The following CORIN variants were observed in gnomAD, a reference collection of about 807,000 sequenced individuals.
The protein encoded by CORIN is corin, serine peptidase.
A neutral mutation model predicts 125.3 loss-of-function variants in CORIN; 117 were observed. The ratio of observed to expected loss-of-function variants is 0.93; its 90% confidence interval spans 0.80 to 1.09. The LOEUF (loss-of-function observed/expected upper bound fraction) is 1.09, where lower values mean the gene tolerates loss of function less well. Ranked by LOEUF, CORIN falls within the 50% of genes least tolerant of loss-of-function variation. CORIN has a pLI of 0.00. For synonymous variants in CORIN, 450 were observed against 466.4 expected, an observed-to-expected ratio of 0.96 and a Z score of 0.45; for missense variants, 1,253 against 1,306.7, an observed-to-expected ratio of 0.96 and a Z score of 0.63.
chr4:47,779,429 T>C (rs1213278168), intron 3 of CORIN, among the ~76,000 whole-genome samples: 1 of 148,298 alleles, frequency 6.7e-6, no homozygotes, highest in African/African-American at 2.6e-5. Flanking sequence ...CATATTCTTT[T>C]TTTTTTCTTT....
At chr4:47,821,802 A>C (rs1732526768) in intron 1 of CORIN, among the ~76,000 whole-genome samples, 2 of 152,202 alleles carry the variant, frequency 1.3e-5, no homozygotes, top group Admixed American at 1.3e-4. Context: ...AGATGCACCT[A>C]ATTTGCTTAT....
intron 11 of CORIN, among the ~76,000 whole-genome samples, chr4:47,663,666 A>T (rs1449510045): frequency 3.9e-5 from 6 of 152,170 alleles, no homozygotes; most frequent in Admixed American, 6.5e-5. Flanking sequence ...GCTTCAGGGA[A>T]ATTTTTATCT....
intron 2 of CORIN, among the ~76,000 whole-genome samples, chr4:47,791,242 G>A (rs61756971): frequency 2.6e-5 from 4 of 152,218 alleles, no homozygotes; most frequent in Middle Eastern, 3.4e-3. Flanking sequence ...TGAACTGTGA[G>A]AAAAACTCAA....
chr4:47,683,597 C>T, intron 7 of CORIN, 134 bp downstream of exon 7: 2 of 624,790 alleles, frequency 3.2e-6, no homozygotes, highest in South Asian at 4.3e-5. Context: ...AAACTTCCTC[C>T]TTCTAAAAAA....
chr4:47,680,313 T>C (rs1725214866), intron 7 of CORIN, 62 bp from the exon 8 acceptor site: 4 of 1,147,622 alleles, frequency 3.5e-6, no homozygotes, highest in Non-Finnish European at 5.2e-6. Flanking sequence ...CAGGATTCTA[T>C]GGCTCCCAGT....
intron 16 of CORIN, among the ~76,000 whole-genome samples, chr4:47,628,314 G>A (rs77351962): frequency 0.15 from 23,026 of 151,972 alleles, 2,336 homozygotes; most frequent in South Asian, 0.26. Flanking sequence ...GCTTTATTGA[G>A]GCATTCTTAA....
intron 1 of CORIN, among the ~76,000 whole-genome samples, chr4:47,807,643 A>C (rs1268321845): frequency 6.6e-6 from 1 of 152,226 alleles, no homozygotes; most frequent in Non-Finnish European, 1.5e-5. Context: ...CTCTGAGGAC[A>C]TCCTCGGCTG....
intron 1 of CORIN, among the ~76,000 whole-genome samples, chr4:47,826,112 C>T (rs765775719): frequency 6.6e-6 from 1 of 152,090 alleles, no homozygotes. Context: ...CCATCAAAGG[C>T]GGCAATTGGG....
intron 5 of CORIN, among the ~76,000 whole-genome samples, chr4:47,725,119 A>C (rs575318939): frequency 6.6e-6 from 1 of 152,324 alleles, no homozygotes; most frequent in South Asian, 2.1e-4. Flanking sequence ...CAATAGAAGA[A>C]TCAAGAAAGA....
chr4:47,758,485 GT>G (rs1729295210), intron 4 of CORIN, among the ~76,000 whole-genome samples: 1 of 151,858 alleles, frequency 6.6e-6, no homozygotes, highest in Non-Finnish European at 1.5e-5. Flanking sequence ...TAATCCCCAA[GT>G]TTGCATGGAA....
At chr4:47,816,719 G>A (rs1451531255) in intron 1 of CORIN, among the ~76,000 whole-genome samples, 1 of 152,140 alleles carries the variant, frequency 6.6e-6, no homozygotes, top group Non-Finnish European at 1.5e-5. Context: ...CCAAAGAGAA[G>A]CAATGTAATT....
At chr4:47,837,528 C>T in intron 1 of CORIN, 1 of 385,988 alleles carries the variant, frequency 2.6e-6, no homozygotes, top group South Asian at 2.6e-5. Context: ...CCACTAGATG[C>T]TTGGAGGGCA....
At position 47,623,584 on chromosome 4, in the gene CORIN, G is replaced by A. The variant is rs1348999180; in HGVS notation, c.2527C>T (p.His843Tyr). The change falls in exon 19 of 22, where the codon CAC (histidine) becomes TAC (tyrosine). Residue 843 changes from histidine (H) to tyrosine (Y), a missense_variant. By Grantham distance (83) the His-to-Tyr change is moderately conservative. Transcript: ENST00000273857. ...GGTGCAGCTTACCCCTCGAAGCAGT[G>A]GGCAACTGTCAGAACCCACTTCTTG... ...IAKKWVLTVA[H>Y]CFEGRENAAV... The A allele has an allele frequency of 4.3e-6, 7 of 1,613,944 alleles. No homozygotes were observed. In the Admixed American group the frequency reaches 1.0e-4, roughly 23 times the overall value.
At chr4:47,689,805 A>G (rs1284819139) in intron 6 of CORIN, among the ~76,000 whole-genome samples, 1 of 152,134 alleles carries the variant, frequency 6.6e-6, no homozygotes, top group Non-Finnish European at 1.5e-5. Flanking sequence ...AGAGCGTTAC[A>G]AAAGTACTGC....
chr4:47,825,364 G>A (rs1411943259), intron 1 of CORIN, among the ~76,000 whole-genome samples: 2 of 152,086 alleles, frequency 1.3e-5, no homozygotes, highest in African/African-American at 2.4e-5. Flanking sequence ...ACCTATCTGC[G>A]GCTAATTAGC....
intron 2 of CORIN, among the ~76,000 whole-genome samples, chr4:47,791,660 G>GACATAT (rs1731087736): frequency 6.6e-6 from 1 of 152,172 alleles, no homozygotes; most frequent in Non-Finnish European, 1.5e-5. Flanking sequence ...ATGGCAAATA[G>GACATAT]ACATATACAT....
intron 7 of CORIN, chr4:47,680,946 A>G (rs1725250721): frequency 6.6e-6 from 1 of 152,170 alleles, no homozygotes; most frequent in Non-Finnish European, 1.5e-5. Flanking sequence ...TAGGTAAGCC[A>G]TGCAAAATAT....
intron 11 of CORIN, among the ~76,000 whole-genome samples, chr4:47,663,912 T>C (rs1724358932): frequency 6.6e-6 from 1 of 152,194 alleles, no homozygotes; most frequent in Non-Finnish European, 1.5e-5. Context: ...ATTTGTTCAG[T>C]TCCCCAAGTC....
chr4:47,707,066 T>G (rs1325955545), intron 5 of CORIN: 3 of 1,431,134 alleles, frequency 2.1e-6, no homozygotes, highest in Non-Finnish European at 1.8e-6. Flanking sequence ...TATTTGTCTG[T>G]TAAAACTAGT....
Sources: gnomAD v4.1 joint callset for allele counts (sites outside exome capture counted in the v4.1 genomes callset) on GRCh38, gnomAD v4.1.1 for gene constraint, MANE v1.5 for transcripts, NCBI Gene and HGNC (gene_info 2026-07-23, HGNC 2026-07-21) for gene names.